Variants in TRAPPC8 observed in about 807,000 individuals in gnomAD.
TRAPPC8 encodes general sporulation gene 1 homolog.
Under a neutral mutation model 174.3 loss-of-function variants are expected in TRAPPC8, and 54 were observed. The ratio of observed to expected loss-of-function variants is 0.31; its 90% confidence interval spans 0.25 to 0.39. The LOEUF (loss-of-function observed/expected upper bound fraction) is 0.39, where lower values mean the gene tolerates loss of function less well. Ranked by LOEUF, TRAPPC8 falls within the 10% of genes least tolerant of loss-of-function variation. TRAPPC8 has a pLI of 1.00. For synonymous variants in TRAPPC8, 630 were observed against 579.9 expected (o/e 1.09, Z -1.24); for missense variants, 1,531 against 1,699.1 (o/e 0.90, Z 1.74).
At chr18:31,926,748 T>C (rs1282807311) in intron 2 of TRAPPC8, 1 of 152,016 alleles carries the variant, frequency 6.6e-6, no homozygotes, top group Non-Finnish European at 1.5e-5. Flanking sequence ...AATTACTAAC[T>C]CCTGAAAACA....
chr18:31,870,409 T>C lies in TRAPPC8; in HGVS notation c.2351A>G (p.Asp784Gly), dbSNP rs139522512. Residue 784 changes from aspartate (D) to glycine (G), a missense_variant, in exon 16 of 29, where the codon GAT (aspartate) becomes GGT (glycine). By Grantham distance (94) the Asp-to-Gly change is moderately conservative (BLOSUM62 -1). Transcript: ENST00000283351. ...LSLLWKFHPK[D>G]FSGKDNEEVK... is the part of the protein sequence containing the mutation. ...TTCTTCATTATCCTTTCCACTGAAA[T>C]CTTTAGGATGAAACTTCCAAAGCAA... 4.3e-6 allele frequency: 7 copies of C among 1,612,708 alleles called. No individual in the cohort carries two copies. The African/African-American group carries it at 5.3e-5, about 12-fold the overall frequency.
intron 1 of TRAPPC8, among the ~76,000 whole-genome samples, chr18:31,938,934 G>T (rs899001586): frequency 2.4e-4 from 37 of 152,168 alleles, no homozygotes; most frequent in Admixed American, 1.8e-3. Context: ...AGAAAAATTA[G>T]CTGAGCATGG....
chr18:31,871,252 G>A (rs567104644), intron 14 of TRAPPC8, 132 bp from the exon 15 acceptor site: 71 of 450,408 alleles, frequency 1.6e-4, no homozygotes, highest in Non-Finnish European at 2.5e-4. Context: ...CTAATTCTGA[G>A]TGAAAAATAT....
At chr18:31,919,907 GA>G (rs1174337724) in intron 2 of TRAPPC8, among the ~76,000 whole-genome samples, 1 of 151,874 alleles carries the variant, frequency 6.6e-6, no homozygotes, top group African/African-American at 2.4e-5. Context: ...AACATTCCCA[GA>G]AAACATTACA....
At chr18:31,854,080 C>G in intron 21 of TRAPPC8, 135 bp from the exon 22 acceptor site, 1 of 676,072 alleles carries the variant, frequency 1.5e-6, no homozygotes, top group East Asian at 2.9e-5. Context: ...TATACATTTC[C>G]AAAAACTTAT....
At chr18:31,927,406 G>A (rs1385654942) in intron 2 of TRAPPC8, among the ~76,000 whole-genome samples, 1 of 152,048 alleles carries the variant, frequency 6.6e-6, no homozygotes, top group Non-Finnish European at 1.5e-5. Flanking sequence ...GGGACTACAG[G>A]TGCCTGCTGC....
At chr18:31,915,654 T>C (rs377178981) in intron 4 of TRAPPC8, among the ~76,000 whole-genome samples, 1 of 152,018 alleles carries the variant, frequency 6.6e-6, no homozygotes, top group African/African-American at 2.4e-5. Flanking sequence ...CCCAGCACTT[T>C]GAGAGGCCCA....
intron 14 of TRAPPC8, among the ~76,000 whole-genome samples, chr18:31,871,406 CTAATA>C (rs1195812361): frequency 5.9e-5 from 9 of 151,964 alleles, no homozygotes; most frequent in Non-Finnish European, 1.3e-4. Flanking sequence ...GGCATGGAGA[CTAATA>C]TAACAAATAT....
In TRAPPC8 at chr18:31,908,989, C is replaced by T. The variant is rs976742527; in HGVS notation, c.887G>A (p.Arg296Lys). The T allele has an allele frequency of 3.1e-6, 5 of 1,607,376 alleles. No individual in the cohort carries two copies. The African/African-American group carries it at 5.4e-5, about 17-fold the overall frequency. The change falls in exon 7 of 29, where the codon AGA becomes AAA. Residue 296 changes from arginine (R) to lysine (K), a missense_variant. By Grantham distance (26) the Arg-to-Lys change is conservative (BLOSUM62 2). Transcript: ENST00000283351. ...TTGCTCCAACTGAAGTGGGTGAGCT[C>T]TAAAGTTATTTGGTAAGCCATCTAC... Reference protein sequence around the residue: ...EVKDGLPNNFRAHPLQLEQSS... With the variant: ...EVKDGLPNNFKAHPLQLEQSS...
rs570213996 is a variant in TRAPPC8 at position 31,935,293 on chromosome 18, A to G, written c.158-3770T>C. Among the ~76,000 whole-genome samples the G allele has an allele frequency of 1.3e-4, 19 of 149,222 alleles. No individual in the cohort carries two copies. The South Asian group carries it at 4.1e-3, about 32-fold the overall frequency. On this transcript the variant is annotated intron_variant, in intron 1 of 28. Coordinates refer to ENST00000283351, the MANE Select transcript of TRAPPC8 (RefSeq NM_014939.5). ...GAAGTGGAGGTTGCAGTGAGCCGAGATTGCGCCACTGCACTCCAGCCTGGG... is the reference window on the plus strand; with the variant it reads ...GAAGTGGAGGTTGCAGTGAGCCGAGGTTGCGCCACTGCACTCCAGCCTGGG...
chr18:31,885,915 G>A (rs1238761550), intron 12 of TRAPPC8, among the ~76,000 whole-genome samples: 1 of 151,780 alleles, frequency 6.6e-6, no homozygotes, highest in Non-Finnish European at 1.5e-5. Context: ...AATACGGCAA[G>A]AGATAAACCA....
chr18:31,907,560 CA>C lies in TRAPPC8; in HGVS notation c.1288del (p.Cys430ValfsTer84). On this transcript the variant is annotated frameshift_variant, in exon 9 of 29. Transcript: ENST00000283351. LOFTEE classifies it high-confidence loss of function. ...CAAATCATAATGCTGCACCAAAAAACATAAGTCAGCCATTTTCCTGATTTGA... is the reference window on the plus strand; with the variant it reads ...CAAATCATAATGCTGCACCAAAAAACTAAGTCAGCCATTTTCCTGATTTGA... ...ELQIRKMADLCFLVQHYDLAY... is the reference protein window; with the variant it reads ...ELQIRKMADLXFLVQHYDLAY... 1 of 1,611,594 alleles carries C rather than the reference CA, an allele frequency of 6.2e-7. No individual in the cohort carries two copies.
intron 26 of TRAPPC8, among the ~76,000 whole-genome samples, chr18:31,840,367 G>C (rs1376292501): frequency 1.4e-5 from 2 of 141,906 alleles, no homozygotes; most frequent in Admixed American, 6.9e-5. Flanking sequence ...AAAATAAATA[G>C]AGAGACAGAG....
chr18:31,873,827 T>C (rs533238574), intron 13 of TRAPPC8: 3 of 253,396 alleles, frequency 1.2e-5, no homozygotes, highest in East Asian at 9.8e-5. Flanking sequence ...TGACTCATTA[T>C]AGCATCCTAT....
At chr18:31,906,801 G>A (rs2036680334) in intron 9 of TRAPPC8, among the ~76,000 whole-genome samples, 1 of 152,112 alleles carries the variant, frequency 6.6e-6, no homozygotes, top group Non-Finnish European at 1.5e-5. Flanking sequence ...ATTATGCTAA[G>A]TGCATGCTTT....
chr18:31,904,503 A>T (rs1448394427), intron 9 of TRAPPC8, among the ~76,000 whole-genome samples: 1 of 152,178 alleles, frequency 6.6e-6, no homozygotes, highest in Non-Finnish European at 1.5e-5. Flanking sequence ...AAGACAAACA[A>T]ATGTACTTCT....
chr18:31,902,262 C>T (rs148022957), intron 9 of TRAPPC8, among the ~76,000 whole-genome samples: 1 of 152,166 alleles, frequency 6.6e-6, no homozygotes, highest in Non-Finnish European at 1.5e-5. Context: ...ACCCGGGAAG[C>T]GGGGGTTGCA....
chr18:31,914,323 A>ATG (rs2037044614), intron 4 of TRAPPC8, among the ~76,000 whole-genome samples: 2 of 152,224 alleles, frequency 1.3e-5, no homozygotes, highest in Admixed American at 6.5e-5. Flanking sequence ...ATGCAGATGC[A>ATG]TGTGTGTGTA....
chr18:31,877,806 C>G (rs1463502242), intron 12 of TRAPPC8, among the ~76,000 whole-genome samples: 1 of 151,714 alleles, frequency 6.6e-6, no homozygotes, highest in African/African-American at 2.4e-5. Flanking sequence ...GCCTGTAATC[C>G]CAGCTACTCG....
Sources: allele counts gnomAD v4.1 joint callset (sites outside exome capture counted in the v4.1 genomes callset), GRCh38; gene constraint gnomAD v4.1.1; transcripts MANE v1.5; gene names NCBI Gene and HGNC (gene_info 2026-07-23, HGNC 2026-07-21).